The following MPHOSPH9 variants were observed in gnomAD, a reference collection of about 807,000 sequenced individuals.
MPHOSPH9 encodes the protein M-phase phosphoprotein 9.
Under a neutral mutation model 145.5 loss-of-function variants are expected in MPHOSPH9, and 88 were observed. The observed-to-expected ratio is 0.60, with a 90% CI of 0.51 to 0.72. The LOEUF (loss-of-function observed/expected upper bound fraction) is 0.72. Among genes scored for constraint, MPHOSPH9 ranks in the 30% least tolerant of loss-of-function variants. MPHOSPH9 has a pLI of 0.00. For missense variants in MPHOSPH9, 1,238 were observed against 1,386.6 expected, an observed-to-expected ratio of 0.89 and a Z score of 1.70; for synonymous variants, 435 against 486.2, an observed-to-expected ratio of 0.89 and a Z score of 1.39.
Position 123,156,472 on chromosome 12 carries a change from A to C in MPHOSPH9, c.*335T>G, listed in dbSNP as rs2043869194. 1.7e-5 allele frequency: 3 copies of C among 174,610 alleles called. No homozygotes were observed. The Admixed American group carries it at 1.7e-4, about 10-fold the overall frequency. The allele number at this position is 174,610 out of a possible 1,614,324, so 10.8% of individuals were successfully genotyped here. A position where few individuals can be genotyped will look rare whatever the true frequency, so the allele number is the denominator to read the frequency against. On this transcript the variant is annotated 3_prime_UTR_variant, in exon 24 of 24. Transcript: ENST00000606320. Reference sequence around the variant, plus strand: ...AATGTAGAACAAGTCTATAAAATTGATGTGCAGTTAATTGTAAAAGGATAA... The same window carrying C: ...AATGTAGAACAAGTCTATAAAATTGCTGTGCAGTTAATTGTAAAAGGATAA...
chr12:123,180,454 C>T (rs1405989736), intron 14 of MPHOSPH9, among the ~76,000 whole-genome samples: 7 of 152,174 alleles, frequency 4.6e-5, no homozygotes, highest in Non-Finnish European at 1.0e-4. Flanking sequence ...ACACCATCGT[C>T]GAAGGGTTTT....
At chr12:123,164,291 T>C (rs1265364379) in intron 18 of MPHOSPH9, among the ~76,000 whole-genome samples, 1 of 152,212 alleles carries the variant, frequency 6.6e-6, no homozygotes, top group Non-Finnish European at 1.5e-5. Context: ...TAAAAAATGC[T>C]TGATGAAGAA....
intron 15 of MPHOSPH9, 122 bp from the exon 16 acceptor site, chr12:123,176,911 G>T: frequency 1.4e-6 from 1 of 726,074 alleles, no homozygotes; most frequent in Non-Finnish European, 2.3e-6. Flanking sequence ...CAAGTCCATG[G>T]CCGGGAATGG....
chr12:123,157,039 C>A, intron 23 of MPHOSPH9, 131 bp from the exon 24 acceptor site: 1 of 551,018 alleles, frequency 1.8e-6, no homozygotes, highest in South Asian at 3.2e-5. Context: ...GCTTTCTACA[C>A]GAAACATCTT....
chr12:123,188,347 T>G (rs1389832091), intron 13 of MPHOSPH9, among the ~76,000 whole-genome samples: 1 of 152,046 alleles, frequency 6.6e-6, no homozygotes, highest in Non-Finnish European at 1.5e-5. Context: ...TTTAGCAATA[T>G]CTAAAAAAGA....
At chr12:123,205,065 T>G (rs767072374) in intron 8 of MPHOSPH9, among the ~76,000 whole-genome samples, 1 of 152,210 alleles carries the variant, frequency 6.6e-6, no homozygotes, top group Non-Finnish European at 1.5e-5. Context: ...ATTTAAACTG[T>G]GAACACTGTC....
At chr12:123,242,091 T>C (rs1159634045) in intron 1 of MPHOSPH9, among the ~76,000 whole-genome samples, 1 of 152,254 alleles carries the variant, frequency 6.6e-6, no homozygotes, top group Admixed American at 6.5e-5. Flanking sequence ...AATAGATGTT[T>C]TAAATATTCT....
At chr12:123,168,500 C>A (rs542116134) in intron 16 of MPHOSPH9, among the ~76,000 whole-genome samples, 3 of 152,132 alleles carry the variant, frequency 2.0e-5, no homozygotes, top group African/African-American at 7.2e-5. Context: ...TGCCACCACG[C>A]CCGGCTAATT....
intron 13 of MPHOSPH9, 121 bp from the exon 14 acceptor site, chr12:123,181,331 G>C: frequency 2.8e-6 from 2 of 725,028 alleles, no homozygotes; most frequent in Non-Finnish European, 4.6e-6. Context: ...GAAAGAGAAA[G>C]GTCAATAGAG....
At chr12:123,172,436 G>A (rs944443954) in intron 16 of MPHOSPH9, among the ~76,000 whole-genome samples, 13 of 151,954 alleles carry the variant, frequency 8.6e-5, no homozygotes, top group African/African-American at 2.9e-4. Context: ...AGGTTCAAGC[G>A]ATTCTCCTGC....
intron 7 of MPHOSPH9, among the ~76,000 whole-genome samples, chr12:123,213,485 G>C (rs1017633872): frequency 2.0e-5 from 3 of 151,952 alleles, no homozygotes; most frequent in Admixed American, 1.3e-4. Flanking sequence ...CACTACAGGC[G>C]CATCACCATC....
chr12:123,229,751 A>G (rs1727333), intron 2 of MPHOSPH9, among the ~76,000 whole-genome samples: 6 of 152,300 alleles, frequency 3.9e-5, no homozygotes, highest in South Asian at 4.1e-4. Context: ...GCAAAAGTAC[A>G]TATCTCTGAG....
At chr12:123,223,942 T>TA (rs112724519) in intron 3 of MPHOSPH9, among the ~76,000 whole-genome samples, 21 of 151,378 alleles carry the variant, frequency 1.4e-4, no homozygotes, top group Admixed American at 2.6e-4. Flanking sequence ...TTTATTTATT[T>TA]TTTTTTTTGA....
At chr12:123,224,110 T>TTTTATATATATATA (rs1555231852) in intron 3 of MPHOSPH9, among the ~76,000 whole-genome samples, 4 of 120,414 alleles carry the variant, frequency 3.3e-5, no homozygotes, top group East Asian at 2.9e-4. Flanking sequence ...AATTGCTAAT[T>TTTTATATATATATA]TATATATATA....
rs778862530 is a variant in MPHOSPH9, at chr12:123,221,832, A to G, written c.412T>C (p.Cys138Arg). The change falls in exon 5 of 24, where the codon TGT (cysteine) becomes CGT (arginine). Residue 138 changes from cysteine to arginine, a missense_variant. Physicochemically the swap from Cys to Arg is radical, Grantham distance 180. Coordinates refer to ENST00000606320, the MANE Select transcript of MPHOSPH9 (RefSeq NM_022782.4). ...TGTTTGTTTGAAGAATTTCCTTCAC[A>G]GGAAGCTAAGGAAGCACTACTAGTC... ...LQTSSASLASCEGNSSNKQVS... is the reference protein window; with the variant it reads ...LQTSSASLASREGNSSNKQVS... 212 of 1,612,344 alleles carry G rather than the reference A, an allele frequency of 1.3e-4. 1 individual carries two copies. The highest frequency in any genetic ancestry group is 1.8e-4 in the Non-Finnish European group (211 of 1,179,478).
Position 123,210,086 on chromosome 12 carries a change from T to A in MPHOSPH9, c.1164A>T (p.Ser388=), listed in dbSNP as rs764507353. 6.2e-7 allele frequency: 1 copy of A among 1,611,004 alleles called. No homozygotes were observed. Among genetic ancestry groups the A allele is most frequent in the East Asian group, 2.2e-5 (1 of 44,748 alleles). The part of the protein sequence containing the change: ...LPETLEKTFI[S]LSSTDVSPNQ... ...TTGGTGACACATCTGTGGAAGACAA[T>A]GATATGAACGTCTTCTCTAAAGTTT... Residue 388 remains serine (S), a synonymous_variant, in exon 8 of 24, where the codon TCA becomes TCT. Transcript: ENST00000606320.
rs183569630 is a variant in MPHOSPH9, at chr12:123,205,403, G to A, written c.1195-2028C>T. Among the ~76,000 whole-genome samples, 109 of 152,218 alleles carry A rather than the reference G, an allele frequency of 7.2e-4. 1 individual carries two copies. The highest frequency in any genetic ancestry group is 2.0e-3 in the Admixed American group (31 of 15,292). On this transcript the variant is annotated intron_variant, in intron 8 of 23. Coordinates refer to ENST00000606320, the MANE Select transcript of MPHOSPH9 (RefSeq NM_022782.4). Reference sequence around the variant, plus strand: ...TCTACTAAAAACACAAAAATTAGCCGGGTGTGGTGGTGCGTGCCTGTAATC... The same window carrying A: ...TCTACTAAAAACACAAAAATTAGCCAGGTGTGGTGGTGCGTGCCTGTAATC...
At chr12:123,188,682 T>A (rs1304591576) in intron 13 of MPHOSPH9, among the ~76,000 whole-genome samples, 3 of 152,056 alleles carry the variant, frequency 2.0e-5, no homozygotes, top group African/African-American at 7.2e-5. Context: ...AACCCATCTC[T>A]ACTAAAATAC....
intron 5 of MPHOSPH9, among the ~76,000 whole-genome samples, chr12:123,220,842 T>A (rs1593230791): frequency 6.6e-6 from 1 of 151,980 alleles, no homozygotes; most frequent in African/African-American, 2.4e-5. Context: ...GATCACAAGG[T>A]CAGGAGATCG....
Sources: gnomAD v4.1 joint callset for allele counts (sites outside exome capture counted in the v4.1 genomes callset) on GRCh38, gnomAD v4.1.1 for gene constraint, MANE v1.5 for transcripts, NCBI Gene and HGNC (gene_info 2026-07-23, HGNC 2026-07-21) for gene names.